GIGYF2: variants seen among roughly 807,000 people sequenced by gnomAD.
GIGYF2 encodes GRB10 interacting GYF protein 2.
Under a neutral mutation model 208.1 loss-of-function variants are expected in GIGYF2, and 25 were observed. That is an observed-to-expected ratio of 0.12 (90% CI 0.09 to 0.17). GIGYF2 has a LOEUF of 0.17. Ranked by LOEUF, GIGYF2 falls within the 10% of genes least tolerant of loss-of-function variation. The pLI, the probability that GIGYF2 is intolerant of heterozygous loss-of-function variation, is 1.00. For synonymous variants in GIGYF2, 534 were observed against 543.8 expected (o/e 0.98, Z 0.25); for missense variants, 1,302 against 1,579.4 (o/e 0.82, Z 2.98).
At chr2:232,711,051 C>T (rs578178409) in intron 2 of GIGYF2, among the ~76,000 whole-genome samples, 23 of 151,334 alleles carry the variant, frequency 1.5e-4, no homozygotes, top group African/African-American at 4.8e-4. Context: ...TTGATATGCT[C>T]TCTAGGGTAT....
Position 232,833,113 on chromosome 2 carries a change from C to T in GIGYF2, c.2766+20C>T. On this transcript the variant is annotated intron_variant, in intron 22 of 28. Coordinates refer to ENST00000373563, the MANE Select transcript of GIGYF2 (RefSeq NM_001103146.3). ...ATGAAGGTAAAGCCCGAGGCATCAA[C>T]CTTAGGAGCTCCTTGCTAACATTTT... 6.6e-7 allele frequency: 1 copy of T among 1,509,690 alleles called. No individual in the cohort carries two copies. The highest frequency in any genetic ancestry group is 9.0e-7 in the Non-Finnish European group (1 of 1,108,988). The allele number at this position is 1,509,690 out of a possible 1,614,324, so 93.5% of individuals were successfully genotyped here.
chr2:232,816,932 G>A lies in GIGYF2; in HGVS notation c.2270G>A (p.Arg757Lys). The part of the protein sequence containing the change: ...RAKREEEERK[R>K]QEELRRQQEE... Reference sequence around the variant, plus strand: ...AAACGGGAAGAGGAAGAGCGAAAGAGGCAGGAAGAACTCCGAAGACAACAG... The same window carrying A: ...AAACGGGAAGAGGAAGAGCGAAAGAAGCAGGAAGAACTCCGAAGACAACAG... Residue 757 changes from arginine to lysine, a missense_variant, in exon 20 of 29, where the codon AGG becomes AAG. By Grantham distance (26) the Arg-to-Lys change is conservative. This residue lies in a region of GIGYF2 where 701 missense variants were observed against 793.0 expected (regional missense o/e 0.88). Transcript: ENST00000373563. The A allele has an allele frequency of 6.2e-7, 1 of 1,612,218 alleles. No individual in the cohort carries two copies. The highest frequency in any genetic ancestry group is 8.5e-7 in the Non-Finnish European group (1 of 1,178,298).
At position 232,858,279 on chromosome 2, in the gene GIGYF2, G is replaced by A. The variant is rs118129894; in HGVS notation, c.*1419G>A. 24 of 351,072 alleles carry A rather than the reference G, an allele frequency of 6.8e-5. No homozygotes were observed. In the East Asian group the frequency reaches 1.9e-3, roughly 27 times the overall value. The allele number at this position is 351,072 out of a possible 1,614,324, so 21.7% of individuals were successfully genotyped here. On this transcript the variant is annotated 3_prime_UTR_variant, in exon 29 of 29. Coordinates refer to ENST00000373563, the MANE Select transcript of GIGYF2 (RefSeq NM_001103146.3). ...TGTCATTGTTGCCTGAAGAAGGCTGGAGTTGCTCTGAGAGCAGTTTGGGTT... is the reference window on the plus strand; with the variant it reads ...TGTCATTGTTGCCTGAAGAAGGCTGAAGTTGCTCTGAGAGCAGTTTGGGTT...
At position 232,756,281 on chromosome 2, in the gene GIGYF2, G is replaced by C; in HGVS notation, c.326G>C (p.Gly109Ala). Residue 109 changes from glycine (G) to alanine (A), a missense_variant, in exon 6 of 29, where the codon GGA becomes GCA. Gly to Ala is a moderately conservative substitution (Grantham distance 60). Transcript: ENST00000373563. ...GTCCTGCGATTGACAGGACGAGGAG[G>C]AGGAGGAACAGTGGTGGGGGCTCCT... is the stretch of plus-strand genomic sequence containing the variant. Reference protein sequence around the residue: ...AAVLRLTGRGGGGTVVGAPRG... With the variant: ...AAVLRLTGRGAGGTVVGAPRG... 1.3e-6 allele frequency: 2 copies of C among 1,599,770 alleles called. No homozygotes were observed. The highest frequency in any genetic ancestry group is 1.7e-6 in the Non-Finnish European group (2 of 1,175,106).
At chr2:232,699,164 A>G (rs542030651) in intron 1 of GIGYF2, among the ~76,000 whole-genome samples, 11 of 152,192 alleles carry the variant, frequency 7.2e-5, no homozygotes, top group Non-Finnish European at 1.6e-4. Flanking sequence ...CTAACACTGG[A>G]GGAAAAACCC....
At chr2:232,782,097 G>A (rs1288979212) in intron 8 of GIGYF2, among the ~76,000 whole-genome samples, 4 of 152,150 alleles carry the variant, frequency 2.6e-5, no homozygotes, top group Admixed American at 2.0e-4. Context: ...TTTTAATCCT[G>A]TGTCTCTAAT....
intron 8 of GIGYF2, chr2:232,768,720 G>A (rs1299470079): frequency 1.2e-6 from 2 of 1,602,436 alleles, no homozygotes; most frequent in East Asian, 2.2e-5. Context: ...GATAAGATTA[G>A]GTTTGCCATC....
At chr2:232,711,840 GCTTTA>G (rs1309567175) in intron 2 of GIGYF2, among the ~76,000 whole-genome samples, 1 of 147,306 alleles carries the variant, frequency 6.8e-6, no homozygotes, top group Non-Finnish European at 1.5e-5. Context: ...AATTTTTATC[GCTTTA>G]CTTTAACACT....
chr2:232,757,356 ATAT>A (rs1698589603), intron 6 of GIGYF2, among the ~76,000 whole-genome samples: 1 of 151,186 alleles, frequency 6.6e-6, no homozygotes, highest in Non-Finnish European at 1.5e-5. Context: ...TCTTTAGAGA[ATAT>A]TTTTTTTTTT....
intron 23 of GIGYF2, among the ~76,000 whole-genome samples, chr2:232,841,313 A>G (rs952375799): frequency 3.3e-5 from 5 of 151,868 alleles, no homozygotes; most frequent in African/African-American, 1.2e-4. Flanking sequence ...TTTTTCTTTT[A>G]GAGACTGAGG....
chr2:232,751,649 G>C (rs553115883), intron 5 of GIGYF2, among the ~76,000 whole-genome samples: 32 of 151,966 alleles, frequency 2.1e-4, no homozygotes, highest in African/African-American at 7.2e-4. Context: ...TTCTTTAAAT[G>C]ATTTCCTAGA....
chr2:232,779,663 G>T, intron 8 of GIGYF2, among the ~76,000 whole-genome samples: 1 of 152,220 alleles, frequency 6.6e-6, no homozygotes, highest in Non-Finnish European at 1.5e-5. Flanking sequence ...CATGAGGGCT[G>T]TAGGGTTGTG....
intron 2 of GIGYF2, among the ~76,000 whole-genome samples, chr2:232,727,151 A>G (rs1344387262): frequency 6.6e-6 from 1 of 152,154 alleles, no homozygotes; most frequent in East Asian, 1.9e-4. Flanking sequence ...TTTTTAGTAG[A>G]GACAGGGTTT....
intron 8 of GIGYF2, chr2:232,768,721 G>GT: frequency 6.2e-7 from 1 of 1,602,448 alleles, no homozygotes; most frequent in Non-Finnish European, 8.5e-7. Flanking sequence ...ATAAGATTAG[G>GT]TTTGCCATCC....
At chr2:232,778,909 T>C (rs1276440868) in intron 8 of GIGYF2, among the ~76,000 whole-genome samples, 1 of 152,152 alleles carries the variant, frequency 6.6e-6, no homozygotes, top group Non-Finnish European at 1.5e-5. Flanking sequence ...TGTGATAAGG[T>C]TAATCTTCCC....
chr2:232,851,576 C>T (rs2106433308), intron 28 of GIGYF2, among the ~76,000 whole-genome samples: 1 of 152,260 alleles, frequency 6.6e-6, no homozygotes, highest in East Asian at 1.9e-4. Context: ...CATGCCGCCA[C>T]ACCTGGCTAA....
chr2:232,716,741 A>G (rs1351276700), intron 2 of GIGYF2, among the ~76,000 whole-genome samples: 1 of 152,034 alleles, frequency 6.6e-6, no homozygotes, highest in Non-Finnish European at 1.5e-5. Context: ...TTAAGCAGGG[A>G]ATGAATTTAA....
At position 232,857,479 on chromosome 2, in the gene GIGYF2, A is replaced by G. The variant is rs998360008; in HGVS notation, c.*619A>G. 6.4e-6 allele frequency: 1 copy of G among 155,980 alleles called. No homozygotes were observed. Among genetic ancestry groups the G allele is most frequent in the African/African-American group, 2.4e-5 (1 of 41,146 alleles). 9.7% of individuals were successfully genotyped at this position (155,980 alleles called of 1,614,324 possible). A position where few individuals can be genotyped will look rare whatever the true frequency, so the allele number is the denominator to read the frequency against. ...AGGTTGGTTTGGTTTGATGTTACAC[A>G]CTCCTCACCTGTTCTTTCTGAGTGT... On this transcript the variant is annotated 3_prime_UTR_variant, in exon 29 of 29. Coordinates refer to ENST00000373563, the MANE Select transcript of GIGYF2 (RefSeq NM_001103146.3).
intron 22 of GIGYF2, among the ~76,000 whole-genome samples, chr2:232,834,957 A>G (rs1701537397): frequency 6.6e-6 from 1 of 152,168 alleles, no homozygotes. Context: ...AATAGTGAGC[A>G]TTGTACCCAG....
Sources: gnomAD v4.1 joint callset for allele counts (sites outside exome capture counted in the v4.1 genomes callset) on GRCh38, gnomAD v4.1.1 for gene constraint, gnomAD v4.1.1 regional missense constraint, MANE v1.5 for transcripts, NCBI Gene and HGNC (gene_info 2026-07-23, HGNC 2026-07-21) for gene names.